Variants in GDNF observed in about 807,000 individuals in gnomAD.
The protein encoded by GDNF is glial cell derived neurotrophic factor, also known as glial cell line-derived neurotrophic factor.
Under a neutral mutation model 13.7 loss-of-function variants are expected in GDNF, and 5 were observed. That is an observed-to-expected ratio of 0.36 (90% CI 0.19 to 0.77). The LOEUF (loss-of-function observed/expected upper bound fraction) is 0.77. GDNF is among the 30% of genes least tolerant of loss of function. The pLI, the probability that GDNF is intolerant of heterozygous loss-of-function variation, is 0.51. For synonymous variants in GDNF, 122 were observed against 112.5 expected (o/e 1.08, Z -0.53); for missense variants, 246 against 274.3 (o/e 0.90, Z 0.73).
intron 2 of GDNF, among the ~76,000 whole-genome samples, chr5:37,825,269 T>C (rs762958265): frequency 6.6e-6 from 1 of 152,246 alleles, no homozygotes; most frequent in Non-Finnish European, 1.5e-5. Flanking sequence ...TAAATTCCTT[T>C]GTTACTCAGG....
chr5:37,828,225 G>A (rs780889022), intron 2 of GDNF, among the ~76,000 whole-genome samples: 4 of 152,218 alleles, frequency 2.6e-5, no homozygotes, highest in Non-Finnish European at 4.4e-5. Flanking sequence ...AAGGCCTCCC[G>A]AATGCTGTCT....
intron 2 of GDNF, chr5:37,824,069 ATCAAG>A: frequency 1.0e-6 from 1 of 981,528 alleles, no homozygotes; most frequent in Non-Finnish European, 1.2e-6. Flanking sequence ...CTCTTAAATC[ATCAAG>A]TCATCTTCCT....
rs530532159 is a variant in GDNF at position 37,833,017 on chromosome 5, A to C, written c.151+1629T>G. Among the ~76,000 whole-genome samples, 10 of 152,388 alleles carry C rather than the reference A, an allele frequency of 6.6e-5. No individual in the cohort carries two copies. The South Asian group carries it at 2.1e-3, about 32-fold the overall frequency. ...TTTATGGTACAGTTCATTGAGCTCT[A>C]AAGTAACTTGCCTGAAAGTCACAGA... is the stretch of plus-strand genomic sequence containing the variant. On this transcript the variant is annotated intron_variant, in intron 2 of 2. Transcript: ENST00000326524.
intron 1 of GDNF, 21 bp from the exon 2 acceptor site, chr5:37,834,843 TG>T: frequency 6.2e-7 from 1 of 1,610,132 alleles, no homozygotes; most frequent in Non-Finnish European, 8.5e-7. Flanking sequence ...AGGCGGGAGG[TG>T]GGGGAGAGAA....
chr5:37,839,780 C>A lies in GDNF; in HGVS notation c.-300G>T, dbSNP rs917695893. ...CCCCAGAAGCCGAGGTCCGAGCAGC[C>A]GCCGCTGCTTTGGGTGGGGGGCTGA... On this transcript the variant is annotated 5_prime_UTR_variant, in exon 1 of 3. Transcript: ENST00000326524. This position sits in a 1 kb window ranked among gnomAD's most constrained non-coding sequence, Gnocchi z 5.5. 7 of 152,196 alleles carry A rather than the reference C, an allele frequency of 4.6e-5. No individual in the cohort carries two copies. The highest frequency in any genetic ancestry group is 1.0e-4 in the Non-Finnish European group (7 of 68,070). 9.4% of individuals were successfully genotyped at this position (152,196 alleles called of 1,614,324 possible).
intron 2 of GDNF, among the ~76,000 whole-genome samples, chr5:37,822,021 C>T (rs1212290513): frequency 6.6e-6 from 1 of 152,214 alleles, no homozygotes; most frequent in Non-Finnish European, 1.5e-5. Flanking sequence ...TCAGCCTGGC[C>T]AGGCAGGGAG....
rs530425233 is a variant in GDNF, at chr5:37,812,707, G to T, written c.*2944C>A. On this transcript the variant is annotated 3_prime_UTR_variant, in exon 3 of 3. Coordinates refer to ENST00000326524, the MANE Select transcript of GDNF (RefSeq NM_000514.4). ...AGAAATGAGTTTTTATTTGTAAAAA[G>T]TTACAAAATGATATTGTACAAAAAT... 13 of 152,294 alleles carry T rather than the reference G, an allele frequency of 8.5e-5. No individual in the cohort carries two copies. The highest frequency in any genetic ancestry group is 5.9e-4 in the Admixed American group (9 of 15,302). The allele number at this position is 152,294 out of a possible 1,614,324, so 9.4% of individuals were successfully genotyped here. A position where few individuals can be genotyped will look rare whatever the true frequency, so the allele number is the denominator to read the frequency against.
chr5:37,834,122 C>T (rs746296881), intron 2 of GDNF, among the ~76,000 whole-genome samples: 1 of 152,244 alleles, frequency 6.6e-6, no homozygotes, highest in Non-Finnish European at 1.5e-5. Flanking sequence ...ATTACCCAGA[C>T]GCTTGTTCTG....
chr5:37,838,831 C>T lies in GDNF; in HGVS notation c.-27+676G>A, dbSNP rs1325704907. On this transcript the variant is annotated intron_variant, in intron 1 of 2. Coordinates refer to ENST00000326524, the MANE Select transcript of GDNF (RefSeq NM_000514.4). This position sits in a 1 kb window ranked among gnomAD's most constrained non-coding sequence, Gnocchi z 4.1. Reference sequence around the variant, plus strand: ...AATAACCTCAATGGCCTAGTGGAGTCTCAAGAATACGTTCGAGACAGAGAT... The same window carrying T: ...AATAACCTCAATGGCCTAGTGGAGTTTCAAGAATACGTTCGAGACAGAGAT... Among the ~76,000 whole-genome samples, 1 of 152,158 alleles carries T rather than the reference C, an allele frequency of 6.6e-6. No individual in the cohort carries two copies. Among genetic ancestry groups the T allele is most frequent in the Admixed American group, 6.5e-5 (1 of 15,284 alleles).
intron 2 of GDNF, among the ~76,000 whole-genome samples, chr5:37,832,912 C>T (rs1358855932): frequency 6.6e-6 from 1 of 152,208 alleles, no homozygotes; most frequent in Non-Finnish European, 1.5e-5. Flanking sequence ...GGAGATTCTT[C>T]CCAAAGGACT....
At position 37,834,626 on chromosome 5, in the gene GDNF, G is replaced by A. The variant is rs1356572697; in HGVS notation, c.151+20C>T. The A allele has an allele frequency of 2.7e-6, 4 of 1,490,028 alleles. No individual in the cohort carries two copies. Among genetic ancestry groups the A allele is most frequent in the East Asian group, 2.6e-5 (1 of 38,958 alleles). The allele number at this position is 1,490,028 out of a possible 1,614,324, so 92.3% of individuals were successfully genotyped here. ...GGGGGTCCGCCGGCGGCCCCCCCGC[G>A]GGGAGGGAACGGTTCTTACAGTCAC... On this transcript the variant is annotated intron_variant, in intron 2 of 2. Coordinates refer to ENST00000326524, the MANE Select transcript of GDNF (RefSeq NM_000514.4).
At chr5:37,828,258 C>T (rs771011943) in intron 2 of GDNF, among the ~76,000 whole-genome samples, 1 of 152,194 alleles carries the variant, frequency 6.6e-6, no homozygotes, top group Non-Finnish European at 1.5e-5. Flanking sequence ...CTTGAGGAGA[C>T]CTTGCTTTGT....
chr5:37,827,552 C>T (rs1750372116), intron 2 of GDNF, among the ~76,000 whole-genome samples: 1 of 152,208 alleles, frequency 6.6e-6, no homozygotes, highest in Non-Finnish European at 1.5e-5. Context: ...AAGCCAGTTG[C>T]TCCATATTTC....
intron 1 of GDNF, among the ~76,000 whole-genome samples, chr5:37,835,083 G>A (rs1383407005): frequency 6.6e-6 from 1 of 152,106 alleles, no homozygotes. Flanking sequence ...AGGGGTCAGA[G>A]TTTCAAGCAG....
Position 37,838,511 on chromosome 5 carries a change from C to G in GDNF, c.-27+996G>C, listed in dbSNP as rs1485098533. 6.6e-6 allele frequency among the ~76,000 whole-genome samples: 1 copy of G among 152,208 alleles called. No homozygotes were observed. The highest frequency in any genetic ancestry group is 1.5e-5 in the Non-Finnish European group (1 of 68,046). ...CAGGGGCCGGAAGAGTTGCCTTTGT[C>G]CCCGCCTATGAGCAGAAGGGTCGCG... On this transcript the variant is annotated intron_variant, in intron 1 of 2. Transcript: ENST00000326524. The surrounding 1 kb of genome is among the most constrained non-coding windows in gnomAD (Gnocchi z 4.1).
intron 2 of GDNF, chr5:37,823,953 AT>A: frequency 1.7e-6 from 1 of 597,480 alleles, no homozygotes; most frequent in Non-Finnish European, 2.1e-6. Flanking sequence ...CAGGGGCCCC[AT>A]AAAACCCCAC....
intron 1 of GDNF, chr5:37,835,500 G>C: frequency 6.7e-7 from 1 of 1,500,800 alleles, no homozygotes; most frequent in Non-Finnish European, 9.0e-7. Flanking sequence ...TGGGATATCT[G>C]GTTTAAGTTA....
chr5:37,830,338 C>CATAA (rs1750478952), intron 2 of GDNF, among the ~76,000 whole-genome samples: 1 of 152,148 alleles, frequency 6.6e-6, no homozygotes, highest in African/African-American at 2.4e-5. Context: ...GTCTCCCTAA[C>CATAA]ATAACCATAG....
At chr5:37,834,857 G>T (rs773398561) in intron 1 of GDNF, 35 bp from the exon 2 acceptor site, 4 of 1,594,466 alleles carry the variant, frequency 2.5e-6, no homozygotes, top group Non-Finnish European at 3.4e-6. Context: ...GGAGAGAACC[G>T]CAGAATGCAC....
Sources: allele counts gnomAD v4.1 joint callset (sites outside exome capture counted in the v4.1 genomes callset), GRCh38; gene constraint gnomAD v4.1.1; non-coding constraint Gnocchi (gnomAD v3.1); transcripts MANE v1.5; gene names NCBI Gene and HGNC (gene_info 2026-07-23, HGNC 2026-07-21).